Variants in THSD4 observed in about 807,000 individuals in gnomAD.
THSD4 encodes thrombospondin type 1 domain containing 4, also known as thrombospondin type-1 domain-containing protein 4.
THSD4 carries 69 observed loss-of-function variants against 119.0 expected under a neutral mutation model. The ratio of observed to expected loss-of-function variants is 0.58; its 90% CI spans 0.48 to 0.71. The LOEUF (loss-of-function observed/expected upper bound fraction) is 0.71. Ranked by LOEUF, THSD4 falls within the 30% of genes least tolerant of loss-of-function variation. THSD4 has a pLI of 0.00. For missense variants in THSD4, 1,393 were observed against 1,391.1 expected (o/e 1.00, Z -0.02); for synonymous variants, 524 against 540.4 (o/e 0.97, Z 0.42).
rs148995907 is a variant in THSD4 at position 71,432,052 on chromosome 15, C to T, written c.1152+20229C>T. On this transcript the variant is annotated intron_variant, in intron 7 of 17. Transcript: ENST00000261862. ...TTGTGGCATACAAGATTTAACATTA[C>T]GATTATGACTGGTAACATAAACCAA... 3.9e-5 allele frequency among the ~76,000 whole-genome samples: 6 copies of T among 152,086 alleles called. No individual in the cohort carries two copies. The East Asian group carries it at 7.7e-4, about 20-fold the overall frequency.
intron 7 of THSD4, among the ~76,000 whole-genome samples, chr15:71,530,431 G>T (rs1186031617): frequency 6.6e-6 from 1 of 152,062 alleles, no homozygotes; most frequent in Non-Finnish European, 1.5e-5. Context: ...GGATATCCAG[G>T]GTCAGATGTA....
At chr15:71,579,881 G>C (rs1464524165) in intron 7 of THSD4, among the ~76,000 whole-genome samples, 1 of 151,774 alleles carries the variant, frequency 6.6e-6, no homozygotes, top group African/African-American at 2.4e-5. Context: ...AAATTTAGTG[G>C]CTTAAAACAC....
chr15:71,580,481 G>T (rs2049537278), intron 7 of THSD4, among the ~76,000 whole-genome samples: 1 of 151,994 alleles, frequency 6.6e-6, no homozygotes, highest in African/African-American at 2.4e-5. Flanking sequence ...TCTTTGTGTG[G>T]GTGTGTGTGG....
chr15:71,735,191 T>A (rs775667513), intron 10 of THSD4, among the ~76,000 whole-genome samples: 1 of 152,136 alleles, frequency 6.6e-6, no homozygotes, highest in Non-Finnish European at 1.5e-5. Context: ...TGGTGGTCTG[T>A]CCACACTAAT....
At chr15:71,266,389 C>G (rs1596304453) in intron 6 of THSD4, among the ~76,000 whole-genome samples, 2 of 152,028 alleles carry the variant, frequency 1.3e-5, no homozygotes, top group Admixed American at 6.5e-5. Flanking sequence ...GAAGGAAAAC[C>G]AACAAACAGA....
intron 7 of THSD4, among the ~76,000 whole-genome samples, chr15:71,527,707 TC>T (rs1315393136): frequency 9.6e-6 from 1 of 104,478 alleles, no homozygotes; most frequent in Admixed American, 1.2e-4. Flanking sequence ...ATGTTTATCC[TC>T]TTTTTTTTTT....
intron 1 of THSD4, among the ~76,000 whole-genome samples, chr15:71,138,741 GGGCACTTTCTGA>G (rs2040574060): frequency 1.3e-5 from 2 of 152,016 alleles, no homozygotes; most frequent in Admixed American, 1.3e-4. Flanking sequence ...TCACTGCCCA[GGGCACTTTCTGA>G]GGCACCTTGG....
intron 6 of THSD4, among the ~76,000 whole-genome samples, chr15:71,372,585 A>C (rs1185966805): frequency 5.3e-5 from 8 of 152,274 alleles, no homozygotes; most frequent in African/African-American, 1.9e-4. Context: ...TGGAGGCTGC[A>C]AAACAGCAAA....
upstream of THSD4, chr15:71,112,235 A>G: frequency 6.2e-7 from 1 of 1,609,738 alleles, no homozygotes; most frequent in East Asian, 2.2e-5. Flanking sequence ...AGGGCTGATC[A>G]GTGAGGTGGG....
chr15:71,772,316 C>T (rs953096083), intron 17 of THSD4, among the ~76,000 whole-genome samples: 2 of 152,142 alleles, frequency 1.3e-5, no homozygotes, highest in Non-Finnish European at 2.9e-5. Context: ...TTTCCTATGT[C>T]CCAGCAATGA....
At chr15:71,748,324 C>T in intron 13 of THSD4, 97 bp from the exon 14 acceptor site, 1 of 1,455,426 alleles carries the variant, frequency 6.9e-7, no homozygotes, top group South Asian at 1.3e-5. Flanking sequence ...GCCTCAGTCT[C>T]ATGGGGCTGA....
At chr15:71,747,143 A>C in intron 13 of THSD4, 101 bp downstream of exon 13, 1 of 1,350,066 alleles carries the variant, frequency 7.4e-7, no homozygotes, top group Non-Finnish European at 1.0e-6. Flanking sequence ...CCTGAGTTCC[A>C]CAGGAGGGAA....
At chr15:71,398,032 G>A (rs1408877692) in intron 6 of THSD4, among the ~76,000 whole-genome samples, 1 of 152,206 alleles carries the variant, frequency 6.6e-6, no homozygotes. Flanking sequence ...TTTCTACTGT[G>A]TAGTATGAAA....
At chr15:71,302,194 T>C (rs2044960111) in intron 6 of THSD4, among the ~76,000 whole-genome samples, 1 of 152,202 alleles carries the variant, frequency 6.6e-6, no homozygotes, top group Non-Finnish European at 1.5e-5. Flanking sequence ...TTTGATCAGA[T>C]TCCATGGGCT....
At chr15:71,749,743 C>T (rs1380682344) in intron 14 of THSD4, among the ~76,000 whole-genome samples, 5 of 30,022 alleles carry the variant, frequency 1.7e-4, no homozygotes, top group Non-Finnish European at 2.5e-4. Flanking sequence ...ATTTTGAGAC[C>T]GGGTCTCATT....
At chr15:71,102,378 A>AT (rs1355041363) in intron 1 of THSD4, among the ~76,000 whole-genome samples, 1 of 151,104 alleles carries the variant, frequency 6.6e-6, no homozygotes, top group Non-Finnish European at 1.5e-5. Context: ...ACTTTTTGGT[A>AT]TTTTTTCCCA....
chr15:71,611,058 T>C (rs986653646), intron 7 of THSD4, among the ~76,000 whole-genome samples: 2 of 152,236 alleles, frequency 1.3e-5, no homozygotes, highest in Admixed American at 6.5e-5. Context: ...TACAGAGGGC[T>C]TAGCAATTTT....
chr15:71,777,662 A>T lies in THSD4; in HGVS notation c.*288A>T, dbSNP rs1390771859. 1 of 436,376 alleles carries T rather than the reference A, an allele frequency of 2.3e-6. No homozygotes were observed. The highest frequency in any genetic ancestry group is 2.0e-5 in the African/African-American group (1 of 50,510). The allele number at this position is 436,376 out of a possible 1,614,324, so 27.0% of individuals were successfully genotyped here. A position where few individuals can be genotyped will look rare whatever the true frequency, so the allele number is the denominator to read the frequency against. On this transcript the variant is annotated 3_prime_UTR_variant, in exon 18 of 18. Coordinates refer to ENST00000261862, the MANE Select transcript of THSD4 (RefSeq NM_024817.3). ...CTTTGAAAGTCAAGCAGTGGGAAGT[A>T]CATGGAGCTCTCAGCCCTGCTCCCA... is the stretch of plus-strand genomic sequence containing the variant.
chr15:71,656,778 C>T (rs1322537519), intron 7 of THSD4, among the ~76,000 whole-genome samples: 1 of 152,208 alleles, frequency 6.6e-6, no homozygotes, highest in South Asian at 2.1e-4. Context: ...AACCTGTCTT[C>T]TAAGTCTTAG....
Sources: gnomAD v4.1 joint callset for allele counts (sites outside exome capture counted in the v4.1 genomes callset) on GRCh38, gnomAD v4.1.1 for gene constraint, MANE v1.5 for transcripts, NCBI Gene and HGNC (gene_info 2026-07-23, HGNC 2026-07-21) for gene names.